DAP3: variants seen among roughly 807,000 people sequenced by gnomAD.
DAP3 encodes small ribosomal subunit protein mS29.
Under a neutral mutation model 51.9 loss-of-function variants are expected in DAP3, and 28 were observed. That is an observed-to-expected ratio of 0.54 (90% CI 0.40 to 0.74). The LOEUF (loss-of-function observed/expected upper bound fraction) is 0.74, where lower values mean the gene tolerates loss of function less well. DAP3 is among the 30% of genes least tolerant of loss of function. DAP3 has a pLI of 0.00. For missense variants in DAP3, 458 were observed against 483.5 expected (o/e 0.95, Z 0.49); for synonymous variants, 170 against 170.3 (o/e 1.00, Z 0.01).
chr1:155,724,694 C>T (rs1046067029), intron 4 of DAP3, among the ~76,000 whole-genome samples: 2 of 151,308 alleles, frequency 1.3e-5, no homozygotes, highest in Non-Finnish European at 1.5e-5. Flanking sequence ...CAGTGGCTCA[C>T]GCCTGTAATC....
chr1:155,729,405 T>TCTGATTC, intron 9 of DAP3, 39 bp downstream of exon 9: 1 of 1,606,824 alleles, frequency 6.2e-7, no homozygotes, highest in Non-Finnish European at 8.5e-7. Flanking sequence ...TTCTCTGATT[T>TCTGATTC]CTGATTCCAT....
intron 3 of DAP3, among the ~76,000 whole-genome samples, chr1:155,719,360 C>T (rs1311050784): frequency 6.6e-6 from 1 of 151,318 alleles, no homozygotes; most frequent in African/African-American, 2.4e-5. Flanking sequence ...CTCAGCCTCC[C>T]AAGTAGCTGT....
At chr1:155,720,147 A>G (rs543595711) in intron 3 of DAP3, among the ~76,000 whole-genome samples, 138 of 151,188 alleles carry the variant, frequency 9.1e-4, no homozygotes, top group African/African-American at 3.2e-3. Flanking sequence ...ACATAGCAAG[A>G]CCTCATCTCT....
At position 155,717,064 on chromosome 1, in the gene DAP3, A is replaced by G. The variant is rs1418571902; in HGVS notation, c.104A>G (p.His35Arg). The G allele has an allele frequency of 4.3e-6, 7 of 1,613,980 alleles. No homozygotes were observed. The highest frequency in any genetic ancestry group is 1.7e-5 in the Admixed American group (1 of 59,974). ...GTQARQSIAA[H>R]LDNQVPVESP... ...CAGGCTCGCCAAAGCATTGCTGCTC[A>G]CCTAGATAACCAGGTTCCAGTTGAG... The change falls in exon 3 of 13, where the codon CAC (histidine) becomes CGC (arginine). Residue 35 changes from histidine to arginine, a missense_variant. His to Arg is a conservative substitution (Grantham distance 29). Coordinates refer to ENST00000368336, the MANE Select transcript of DAP3 (RefSeq NM_004632.4).
intron 1 of DAP3, among the ~76,000 whole-genome samples, chr1:155,695,354 G>A (rs867321756): frequency 2.0e-5 from 3 of 152,312 alleles, no homozygotes; most frequent in South Asian, 2.1e-4. Flanking sequence ...TCCTTGATAC[G>A]GTAGTTGCAG....
intron 4 of DAP3, chr1:155,722,049 T>C (rs901999584): frequency 1.0e-5 from 2 of 196,626 alleles, no homozygotes; most frequent in Non-Finnish European, 2.1e-5. Context: ...AGTTTTAGCA[T>C]GCGAGCCAGA....
intron 11 of DAP3, 116 bp from the exon 12 acceptor site, chr1:155,736,830 G>A: frequency 1.2e-6 from 1 of 850,680 alleles, no homozygotes; most frequent in Non-Finnish European, 2.0e-6. Context: ...AGAATGAGAA[G>A]TAGAGTTACA....
intron 6 of DAP3, 128 bp downstream of exon 6, chr1:155,726,147 CTT>C (rs1658559480): frequency 1.0e-5 from 8 of 780,320 alleles, no homozygotes; most frequent in Middle Eastern, 4.0e-4. Flanking sequence ...GAGTTTCGCT[CTT>C]GTCGGCCAGT....
At chr1:155,716,007 T>G (rs1657290015) in intron 2 of DAP3, among the ~76,000 whole-genome samples, 1 of 152,206 alleles carries the variant, frequency 6.6e-6, no homozygotes, top group South Asian at 2.1e-4. Context: ...CCCTGATAAC[T>G]GAGGTGACTG....
chr1:155,690,615 C>T (rs937599451), intron 1 of DAP3, among the ~76,000 whole-genome samples: 1 of 142,026 alleles, frequency 7.0e-6, no homozygotes, highest in Non-Finnish European at 1.5e-5. Flanking sequence ...TAGTATTGTA[C>T]CAGCTTTAAT....
rs530544946 is a variant in DAP3, at chr1:155,726,482, G to C, written c.472+463G>C. On this transcript the variant is annotated intron_variant, in intron 6 of 12. Coordinates refer to ENST00000368336, the MANE Select transcript of DAP3 (RefSeq NM_004632.4). The stretch of plus-strand genomic sequence containing the variant: ...TTTTTTTGTATTTTTAGTAGAGACA[G>C]GGTTTCACCATGTTGGCCAGGCTGG... 9.2e-5 allele frequency among the ~76,000 whole-genome samples: 14 copies of C among 151,908 alleles called. No individual in the cohort carries two copies. In the South Asian group the frequency reaches 2.9e-3, roughly 32 times the overall value.
At chr1:155,697,255 T>C (rs1246907618) in intron 1 of DAP3, among the ~76,000 whole-genome samples, 1 of 152,156 alleles carries the variant, frequency 6.6e-6, no homozygotes, top group Non-Finnish European at 1.5e-5. Context: ...TCCCTCCCCC[T>C]GCACTCACTC....
intron 1 of DAP3, among the ~76,000 whole-genome samples, chr1:155,703,385 T>C (rs959611091): frequency 6.6e-6 from 1 of 152,186 alleles, no homozygotes; most frequent in Non-Finnish European, 1.5e-5. Context: ...TTATTAGATC[T>C]TGTGAGATGT....
At chr1:155,723,119 G>C (rs192215418) in intron 4 of DAP3, among the ~76,000 whole-genome samples, 60 of 151,922 alleles carry the variant, frequency 3.9e-4, no homozygotes, top group Admixed American at 3.4e-3. Context: ...CTAACTCACG[G>C]ACAGTGTGCC....
intron 7 of DAP3, among the ~76,000 whole-genome samples, chr1:155,728,332 C>T (rs372681421): frequency 4.9e-4 from 74 of 152,262 alleles, no homozygotes; most frequent in African/African-American, 1.7e-3. Flanking sequence ...GAGGCCAAGG[C>T]AGGCAGATCA....
chr1:155,723,067 A>G (rs1658178034), intron 4 of DAP3, among the ~76,000 whole-genome samples: 1 of 152,050 alleles, frequency 6.6e-6, no homozygotes, highest in African/African-American at 2.4e-5. Flanking sequence ...ACTGCCTAAT[A>G]TGACTTTTTT....
At position 155,709,371 on chromosome 1, in the gene DAP3, C is replaced by T. The variant is rs562934190; in HGVS notation, c.-7-402C>T. ...TTGTTGCTGAGGCCAGTCTTGAACTCCTGGGCTCAAGCAATCCACCCACCT... is the reference window on the plus strand; with the variant it reads ...TTGTTGCTGAGGCCAGTCTTGAACTTCTGGGCTCAAGCAATCCACCCACCT... On this transcript the variant is annotated intron_variant, in intron 1 of 12. Coordinates refer to ENST00000368336, the MANE Select transcript of DAP3 (RefSeq NM_004632.4). Among the ~76,000 whole-genome samples the T allele has an allele frequency of 2.4e-3, 370 of 152,188 alleles. 2 individuals are homozygous for T. The highest frequency in any genetic ancestry group is 8.5e-3 in the African/African-American group (355 of 41,528).
chr1:155,719,416 A>C (rs1189089923), intron 3 of DAP3, among the ~76,000 whole-genome samples: 1 of 150,516 alleles, frequency 6.6e-6, no homozygotes, highest in Non-Finnish European at 1.5e-5. Flanking sequence ...TTGTATTTTT[A>C]GTACAGATGG....
intron 1 of DAP3, among the ~76,000 whole-genome samples, chr1:155,689,860 C>T (rs1215350368): frequency 6.6e-6 from 1 of 152,056 alleles, no homozygotes; most frequent in South Asian, 2.1e-4. Context: ...TGCAGTGAGC[C>T]GAGATCGCGC....
Sources: gnomAD v4.1 joint callset for allele counts (sites outside exome capture counted in the v4.1 genomes callset) on GRCh38, gnomAD v4.1.1 for gene constraint, MANE v1.5 for transcripts, NCBI Gene and HGNC (gene_info 2026-07-23, HGNC 2026-07-21) for gene names.